Variants in SASH1 observed in about 807,000 individuals in gnomAD.
SASH1 encodes SAM and SH3 domain-containing protein 1.
In SASH1, 44 loss-of-function variants were observed where a neutral mutation model predicts 125.2. That is an observed-to-expected ratio of 0.35 (90% CI 0.28 to 0.45). The LOEUF (loss-of-function observed/expected upper bound fraction) is 0.45. Among genes scored for constraint, SASH1 ranks in the 20% least tolerant of loss-of-function variants. The pLI, the probability that SASH1 is intolerant of heterozygous loss-of-function variation, is 1.00. For missense variants in SASH1, 1,426 were observed against 1,614.5 expected (o/e 0.88, Z 2.00); for synonymous variants, 639 against 649.1 (o/e 0.98, Z 0.24).
At chr6:148,393,896 T>A (rs957590578) in intron 2 of SASH1, 52 of 182,602 alleles carry the variant, frequency 2.8e-4, no homozygotes, top group Non-Finnish European at 4.8e-4. Flanking sequence ...CTCTTTTTTT[T>A]TTTTTTTTTT....
chr6:148,472,974 C>T (rs1201127766), intron 6 of SASH1, among the ~76,000 whole-genome samples: 2 of 152,128 alleles, frequency 1.3e-5, no homozygotes, highest in Admixed American at 6.5e-5. Context: ...CATGTCCTTC[C>T]CCACACGCTG....
chr6:148,368,496 C>T (rs1782566212), intron 1 of SASH1, among the ~76,000 whole-genome samples: 8 of 152,132 alleles, frequency 5.3e-5, no homozygotes, highest in Admixed American at 4.6e-4. Context: ...GTCTCAAACT[C>T]CTGACCTCAA....
At chr6:148,393,888 CTTTTTTT>C (rs67180276) in intron 2 of SASH1, 1 of 108,290 alleles carries the variant, frequency 9.2e-6, no homozygotes, top group Non-Finnish European at 1.8e-5. Context: ...CTCTCTCTCT[CTTTTTTT>C]TTTTTTTTTT....
intron 2 of SASH1, 67 bp downstream of exon 2, chr6:148,390,329 C>T: frequency 2.0e-6 from 3 of 1,509,218 alleles, no homozygotes; most frequent in South Asian, 1.2e-5. Context: ...TTTCCTTGGT[C>T]TTTATCCCAG....
the SASH1 span, among the ~76,000 whole-genome samples, chr6:148,236,214 T>C: frequency 1.1e-4 from 17 of 151,964 alleles, no homozygotes; most frequent in African/African-American, 4.1e-4. Flanking sequence ...GTTTATTAAA[T>C]TAAATTTTTT....
At chr6:148,512,817 CAGAAG>C in intron 8 of SASH1, 1 of 985,122 alleles carries the variant, frequency 1.0e-6, no homozygotes, top group Non-Finnish European at 1.2e-6. Flanking sequence ...ATACACTTTA[CAGAAG>C]AGAAGTCTGA....
intron 2 of SASH1, among the ~76,000 whole-genome samples, chr6:148,424,250 G>T (rs1197116974): frequency 6.6e-6 from 1 of 150,916 alleles, no homozygotes; most frequent in Non-Finnish European, 1.5e-5. Context: ...TTTTTGGGGG[G>T]GGGAGGTGGG....
chr6:148,204,121 A>G, the SASH1 span, among the ~76,000 whole-genome samples: 1 of 152,216 alleles, frequency 6.6e-6, no homozygotes, highest in East Asian at 1.9e-4. Flanking sequence ...GGGACACAGC[A>G]GCAGTTGATG....
chr6:148,490,013 T>TAAAAAAAA (rs57304766), intron 8 of SASH1, among the ~76,000 whole-genome samples: 1 of 124,972 alleles, frequency 8.0e-6, no homozygotes, highest in African/African-American at 2.9e-5. Flanking sequence ...ATCCTGTCTT[T>TAAAAAAAA]AAAAAAAAAA....
chr6:148,421,201 GAAAGAAAGAA>G (rs1785080866), intron 2 of SASH1, among the ~76,000 whole-genome samples: 10 of 141,432 alleles, frequency 7.1e-5, no homozygotes, highest in Admixed American at 4.9e-4. Flanking sequence ...AAGAAAGAAA[GAAAGAAAGAA>G]AGAAAAAGAA....
the SASH1 span, among the ~76,000 whole-genome samples, chr6:148,226,410 C>T: frequency 6.6e-6 from 1 of 152,072 alleles, no homozygotes; most frequent in African/African-American, 2.4e-5. Context: ...GGAGGTAATG[C>T]ATGCCTACAT....
At chr6:148,221,185 A>C in the SASH1 span, among the ~76,000 whole-genome samples, 1 of 152,200 alleles carries the variant, frequency 6.6e-6, no homozygotes, top group Non-Finnish European at 1.5e-5. Flanking sequence ...CAAAAACTAC[A>C]GGAGGTCATT....
the SASH1 span, among the ~76,000 whole-genome samples, chr6:148,206,158 T>C: frequency 6.6e-6 from 1 of 152,136 alleles, no homozygotes; most frequent in African/African-American, 2.4e-5. Context: ...ATTAATACAT[T>C]TTCATGGGCC....
At chr6:148,370,761 T>G (rs1782675333) in intron 1 of SASH1, among the ~76,000 whole-genome samples, 1 of 149,486 alleles carries the variant, frequency 6.7e-6, no homozygotes, top group Non-Finnish European at 1.5e-5. Context: ...AGGCGGAGCT[T>G]GCAGTGAGCC....
At chr6:148,386,912 T>C (rs972682458) in intron 1 of SASH1, among the ~76,000 whole-genome samples, 1 of 152,104 alleles carries the variant, frequency 6.6e-6, no homozygotes, top group African/African-American at 2.4e-5. Context: ...ACTTTGTTTC[T>C]TTGAAGTATC....
At chr6:148,315,339 T>C (rs1206823597) in intron 1 of SASH1, among the ~76,000 whole-genome samples, 1 of 152,186 alleles carries the variant, frequency 6.6e-6, no homozygotes, top group Non-Finnish European at 1.5e-5. Flanking sequence ...ATTTGTCTTA[T>C]CAACACTATG....
At chr6:148,395,115 T>C (rs150658525) in intron 2 of SASH1, among the ~76,000 whole-genome samples, 1 of 152,334 alleles carries the variant, frequency 6.6e-6, no homozygotes, top group African/African-American at 2.4e-5. Context: ...CTAGAAAAAG[T>C]CATTTTAGAA....
At chr6:148,460,616 C>T (rs1365241681) in intron 4 of SASH1, among the ~76,000 whole-genome samples, 1 of 152,114 alleles carries the variant, frequency 6.6e-6, no homozygotes, top group Non-Finnish European at 1.5e-5. Flanking sequence ...AAAAGCTATG[C>T]AACATCAATG....
At chr6:148,273,445 C>A (rs1421574357) in intron 1 of SASH1, among the ~76,000 whole-genome samples, 2 of 151,556 alleles carry the variant, frequency 1.3e-5, no homozygotes, top group Non-Finnish European at 2.9e-5. Flanking sequence ...AGGCACCTAC[C>A]CCCATGCCCG....
Sources: allele counts gnomAD v4.1 joint callset (sites outside exome capture counted in the v4.1 genomes callset), GRCh38; gene constraint gnomAD v4.1.1; transcripts MANE v1.5; gene names NCBI Gene and HGNC (gene_info 2026-07-23, HGNC 2026-07-21).